RANBP17: variants seen among roughly 807,000 people sequenced by gnomAD.
RANBP17 encodes RAN binding protein 17, also known as ran-binding protein 17.
A neutral mutation model predicts 141.2 loss-of-function variants in RANBP17; 158 were observed. The ratio of observed to expected loss-of-function variants is 1.12; its 90% confidence interval spans 0.98 to 1.28. RANBP17 has a LOEUF of 1.28. Ranked by LOEUF, RANBP17 falls within the 50% of genes most tolerant of loss-of-function variation. The pLI is 0.00. For missense variants in RANBP17, 1,438 were observed against 1,290.7 expected (o/e 1.11, Z -1.75); for synonymous variants, 430 against 450.0 (o/e 0.96, Z 0.56).
chr5:170,919,321 A>G (rs1244815054), intron 10 of RANBP17, 120 bp from the exon 11 acceptor site: 1 of 693,144 alleles, frequency 1.4e-6, no homozygotes, highest in East Asian at 3.0e-5. Flanking sequence ...TTATGTGTTC[A>G]TTAGTTTTAT....
chr5:170,884,484 A>G lies in RANBP17; in HGVS notation c.256+2588A>G, dbSNP rs552619233. On this transcript the variant is annotated intron_variant, in intron 3 of 27. Transcript: ENST00000523189. ...ATTAAAAGAAAGATAAAATGTATTT[A>G]CTATTCATTAATGGAAGTGGATCAT... Among the ~76,000 whole-genome samples, 6 of 152,310 alleles carry G rather than the reference A, an allele frequency of 3.9e-5. No individual in the cohort carries two copies. In the East Asian group the frequency reaches 9.6e-4, roughly 24 times the overall value.
chr5:171,161,107 C>T (rs1759317617), intron 14 of RANBP17, among the ~76,000 whole-genome samples: 3 of 152,108 alleles, frequency 2.0e-5, no homozygotes, highest in Non-Finnish European at 4.4e-5. Context: ...TCTTAAAAAT[C>T]ATTCTGTCAA....
At position 171,021,329 on chromosome 5, in the gene RANBP17, T is replaced by C. The variant is rs144589739; in HGVS notation, c.1710+52952T>C. 4.1e-3 allele frequency among the ~76,000 whole-genome samples: 623 copies of C among 152,320 alleles called. 5 individuals carry two copies. The highest frequency in any genetic ancestry group is 0.014 in the African/African-American group (599 of 41,574). On this transcript the variant is annotated intron_variant, in intron 14 of 27. Coordinates refer to ENST00000523189, the MANE Select transcript of RANBP17 (RefSeq NM_022897.5). ...TTGAATATTGGCCTTTCTTGCTAGA[T>C]TGGGGGAGTTCTCCTGGATAATATC...
chr5:171,292,510 C>CA (rs1768550332), intron 25 of RANBP17, among the ~76,000 whole-genome samples: 1 of 152,096 alleles, frequency 6.6e-6, no homozygotes, highest in Admixed American at 6.6e-5. Flanking sequence ...AATTGGATTT[C>CA]AAAAAATACC....
chr5:171,105,767 G>C (rs1754783651), intron 14 of RANBP17, among the ~76,000 whole-genome samples: 1 of 151,994 alleles, frequency 6.6e-6, no homozygotes, highest in Non-Finnish European at 1.5e-5. Flanking sequence ...ACTTGCAAAA[G>C]CCTATATTTT....
chr5:170,900,112 T>A (rs1770503453), intron 5 of RANBP17, among the ~76,000 whole-genome samples: 1 of 152,206 alleles, frequency 6.6e-6, no homozygotes, highest in Admixed American at 6.5e-5. Flanking sequence ...TCTTTGTAAC[T>A]CTGGTAGAAT....
chr5:170,924,611 A>C, intron 12 of RANBP17, 61 bp downstream of exon 12: 1 of 1,082,384 alleles, frequency 9.2e-7, no homozygotes, highest in African/African-American at 1.6e-5. Flanking sequence ...ATCATTAATC[A>C]CTTTAATAGT....
At chr5:171,220,541 C>T (rs137994892) in intron 21 of RANBP17, among the ~76,000 whole-genome samples, 1,575 of 150,964 alleles carry the variant, frequency 0.01, 10 homozygotes, top group South Asian at 0.017. Flanking sequence ...CTCCACCTCC[C>T]AGGTTCAAGT....
chr5:171,170,084 T>C (rs1351103191), intron 14 of RANBP17, 46 bp from the exon 15 acceptor site: 4 of 1,022,676 alleles, frequency 3.9e-6, no homozygotes, highest in Non-Finnish European at 5.8e-6. Flanking sequence ...CTTTTGAAAA[T>C]ATATGTTAAT....
intron 14 of RANBP17, among the ~76,000 whole-genome samples, chr5:171,026,600 TGTGA>T (rs1393930725): frequency 1.3e-5 from 2 of 152,196 alleles, no homozygotes; most frequent in Admixed American, 6.5e-5. Flanking sequence ...ATTGTAGAAA[TGTGA>T]GTGTTTCTTA....
At chr5:171,248,353 C>T (rs763447931) in intron 24 of RANBP17, among the ~76,000 whole-genome samples, 7 of 143,192 alleles carry the variant, frequency 4.9e-5, no homozygotes, top group Non-Finnish European at 7.5e-5. Context: ...GGCAACAGAG[C>T]GAGACTCCAT....
chr5:171,090,653 GAA>G (rs56188053), intron 14 of RANBP17, among the ~76,000 whole-genome samples: 2 of 150,310 alleles, frequency 1.3e-5, no homozygotes, highest in Non-Finnish European at 3.0e-5. Flanking sequence ...AGGTTTAGGA[GAA>G]AAAAAAAAAT....
intron 14 of RANBP17, among the ~76,000 whole-genome samples, chr5:171,003,381 G>A (rs1779361695): frequency 6.6e-6 from 1 of 152,130 alleles, no homozygotes. Context: ...TTGTTAGGAT[G>A]GCAAAACCAG....
intron 3 of RANBP17, among the ~76,000 whole-genome samples, chr5:170,882,629 A>G (rs750698078): frequency 2.0e-5 from 3 of 152,196 alleles, no homozygotes; most frequent in Admixed American, 2.0e-4. Flanking sequence ...TTAACTTGGT[A>G]TGCAACTGAA....
chr5:170,944,895 A>G (rs998880197), intron 12 of RANBP17, among the ~76,000 whole-genome samples: 3 of 152,214 alleles, frequency 2.0e-5, no homozygotes, highest in Admixed American at 6.5e-5. Flanking sequence ...TTATATTTAG[A>G]TACTTTACTC....
chr5:170,890,182 A>G (rs1769481506), intron 3 of RANBP17, among the ~76,000 whole-genome samples: 2 of 152,192 alleles, frequency 1.3e-5, no homozygotes, highest in Admixed American at 1.3e-4. Flanking sequence ...GTTTGCCTGT[A>G]TCCACTGCAA....
chr5:171,150,595 A>G (rs943805412), intron 14 of RANBP17, among the ~76,000 whole-genome samples: 1 of 152,062 alleles, frequency 6.6e-6, no homozygotes, highest in African/African-American at 2.4e-5. Context: ...CATTATCACA[A>G]CTCTTCTCTA....
At chr5:171,259,640 A>G (rs1766148430) in intron 24 of RANBP17, among the ~76,000 whole-genome samples, 1 of 152,222 alleles carries the variant, frequency 6.6e-6, no homozygotes, top group Admixed American at 6.5e-5. Context: ...TCTCATTCAT[A>G]TGTGGGAGCT....
intron 22 of RANBP17, among the ~76,000 whole-genome samples, chr5:171,229,071 T>C (rs993033288): frequency 1.3e-5 from 2 of 152,228 alleles, no homozygotes; most frequent in East Asian, 3.8e-4. Flanking sequence ...AGAAGATAGC[T>C]AAATAATTCA....
Sources: allele counts gnomAD v4.1 joint callset (sites outside exome capture counted in the v4.1 genomes callset), GRCh38; gene constraint gnomAD v4.1.1; transcripts MANE v1.5; gene names NCBI Gene and HGNC (gene_info 2026-07-23, HGNC 2026-07-21).